PEX14: variants seen among roughly 807,000 people sequenced by gnomAD.
PEX14 encodes the protein peroxisomal biogenesis factor 14.
Under a neutral mutation model 49.5 loss-of-function variants are expected in PEX14, and 15 were observed. That is an observed-to-expected ratio of 0.30 (90% CI 0.20 to 0.47). The LOEUF (loss-of-function observed/expected upper bound fraction) is 0.47, where lower values mean the gene tolerates loss of function less well. Ranked by LOEUF, PEX14 falls within the 20% of genes least tolerant of loss-of-function variation. PEX14 has a pLI of 1.00. For missense variants in PEX14, 398 were observed against 494.8 expected, an observed-to-expected ratio of 0.80 and a Z score of 1.86; for synonymous variants, 210 against 212.7, an observed-to-expected ratio of 0.99 and a Z score of 0.11.
intron 3 of PEX14, among the ~76,000 whole-genome samples, chr1:10,586,855 A>G (rs1489179780): frequency 6.6e-6 from 1 of 151,738 alleles, no homozygotes; most frequent in Non-Finnish European, 1.5e-5. Context: ...GTTAGCCAGG[A>G]TGGTCTCAAT....
At chr1:10,582,988 C>T (rs1297144030) in intron 3 of PEX14, among the ~76,000 whole-genome samples, 6 of 151,912 alleles carry the variant, frequency 3.9e-5, no homozygotes, top group South Asian at 2.1e-4. Context: ...TGTCCCTCCT[C>T]GGCCTCCCAA....
chr1:10,525,414 G>A (rs1411489429), intron 2 of PEX14, among the ~76,000 whole-genome samples: 2 of 152,086 alleles, frequency 1.3e-5, no homozygotes, highest in Non-Finnish European at 2.9e-5. Flanking sequence ...TGTTACTTGT[G>A]AAGTCGTCTA....
chr1:10,591,064 A>T (rs1640648873), intron 3 of PEX14, among the ~76,000 whole-genome samples: 1 of 152,234 alleles, frequency 6.6e-6, no homozygotes, highest in African/African-American at 2.4e-5. Context: ...GTTGTTTCCC[A>T]AATCAGGCTG....
At chr1:10,508,105 C>G (rs143155065) in intron 2 of PEX14, among the ~76,000 whole-genome samples, 1 of 152,232 alleles carries the variant, frequency 6.6e-6, no homozygotes. Flanking sequence ...ACTCCCTCCC[C>G]CTATCCAAAC....
intron 3 of PEX14, among the ~76,000 whole-genome samples, chr1:10,563,860 C>T (rs967146345): frequency 6.6e-6 from 1 of 151,480 alleles, no homozygotes; most frequent in African/African-American, 2.4e-5. Flanking sequence ...TGCAGTGAGC[C>T]AACATCACGC....
intron 3 of PEX14, among the ~76,000 whole-genome samples, chr1:10,546,080 A>C (rs1017750313): frequency 2.0e-5 from 3 of 152,074 alleles, no homozygotes; most frequent in Non-Finnish European, 4.4e-5. Flanking sequence ...GAATTAAATG[A>C]AAATGATATG....
chr1:10,506,543 C>T (rs897515531), intron 2 of PEX14, among the ~76,000 whole-genome samples: 1 of 152,234 alleles, frequency 6.6e-6, no homozygotes, highest in South Asian at 2.1e-4. Flanking sequence ...TCCCAAAGTT[C>T]TGGGATTACA....
chr1:10,493,326 C>T (rs1357090494), intron 1 of PEX14, among the ~76,000 whole-genome samples: 1 of 152,092 alleles, frequency 6.6e-6, no homozygotes, highest in Admixed American at 6.6e-5. Context: ...AGCGCCAGCA[C>T]TGATGAGAAA....
intron 5 of PEX14, among the ~76,000 whole-genome samples, chr1:10,621,116 A>G (rs1247484394): frequency 6.6e-6 from 1 of 152,154 alleles, no homozygotes; most frequent in African/African-American, 2.4e-5. Flanking sequence ...TTTTAAAAAG[A>G]AAAGAAACAT....
chr1:10,496,272 G>A (rs763090340), intron 2 of PEX14, among the ~76,000 whole-genome samples: 2 of 152,190 alleles, frequency 1.3e-5, no homozygotes, highest in Admixed American at 6.5e-5. Context: ...CTGTTTCAGG[G>A]GAGCAGTGTT....
At chr1:10,615,778 G>A (rs1304911222) in intron 4 of PEX14, among the ~76,000 whole-genome samples, 1 of 152,226 alleles carries the variant, frequency 6.6e-6, no homozygotes, top group African/African-American at 2.4e-5. Context: ...GGAATATCCT[G>A]CAGCTGTAGA....
chr1:10,616,043 C>A (rs1298190576), intron 4 of PEX14, among the ~76,000 whole-genome samples: 1 of 152,128 alleles, frequency 6.6e-6, no homozygotes, highest in Non-Finnish European at 1.5e-5. Context: ...AGTTTTGGGA[C>A]CGAGATTCCA....
intron 2 of PEX14, among the ~76,000 whole-genome samples, chr1:10,526,692 T>C (rs1638493808): frequency 6.6e-6 from 1 of 152,144 alleles, no homozygotes; most frequent in African/African-American, 2.4e-5. Context: ...TGGTTGAGCA[T>C]CTCAAATCTG....
chr1:10,535,303 C>T (rs1638767783), intron 2 of PEX14, among the ~76,000 whole-genome samples: 1 of 152,234 alleles, frequency 6.6e-6, no homozygotes, highest in African/African-American at 2.4e-5. Context: ...AGGTTAATAC[C>T]TGCAGCGGTG....
In PEX14 at chr1:10,630,589, A is replaced by C; in HGVS notation, c.*602A>C. 1 of 154,470 alleles carries C rather than the reference A, an allele frequency of 6.5e-6. No homozygotes were observed. The highest frequency in any genetic ancestry group is 6.4e-5 in the Admixed American group (1 of 15,734). 9.6% of individuals were successfully genotyped at this position (154,470 alleles called of 1,614,324 possible). A position where few individuals can be genotyped will look rare whatever the true frequency, so the allele number is the denominator to read the frequency against. On this transcript the variant is annotated 3_prime_UTR_variant, in exon 9 of 9. Coordinates refer to ENST00000356607, the MANE Select transcript of PEX14 (RefSeq NM_004565.3). This position sits in a 1 kb window ranked among gnomAD's most constrained non-coding sequence, Gnocchi z 4.1. ...ATGGTTCAGCTAATCCCATGGCGAGATGGGGGCTCACTCCGGAGGAGGAGC... is the reference window on the plus strand; with the variant it reads ...ATGGTTCAGCTAATCCCATGGCGAGCTGGGGGCTCACTCCGGAGGAGGAGC...
chr1:10,568,622 CG>C (rs1447219667), intron 3 of PEX14, among the ~76,000 whole-genome samples: 2 of 151,942 alleles, frequency 1.3e-5, no homozygotes, highest in Non-Finnish European at 2.9e-5. Context: ...GCAGAATAGC[CG>C]TAAGTATGTG....
intron 4 of PEX14, among the ~76,000 whole-genome samples, chr1:10,614,101 G>A (rs886317222): frequency 6.6e-6 from 1 of 152,210 alleles, no homozygotes; most frequent in Non-Finnish European, 1.5e-5. Context: ...TGAGGTGGTC[G>A]TGGCTGGGAG....
At chr1:10,513,205 A>G (rs939397063) in intron 2 of PEX14, among the ~76,000 whole-genome samples, 1 of 151,558 alleles carries the variant, frequency 6.6e-6, no homozygotes, top group Admixed American at 6.6e-5. Flanking sequence ...TGAGTTCTGT[A>G]TATACACTGG....
rs762439153 is a variant in PEX14, at chr1:10,599,353, A to T, written c.285A>T (p.Ile95=). ...TTCCTGTCCAGCCCCCTCACCTCATATCTCAGCCATACAGTAAGTCACCCG... is the reference window on the plus strand; with the variant it reads ...TTCCTGTCCAGCCCCCTCACCTCATTTCTCAGCCATACAGTAAGTCACCCG... ...QVVPVQPPHL[I]SQPYSPAGSR... The change falls in exon 4 of 9, where the codon ATA becomes ATT. Residue 95 remains isoleucine, a synonymous_variant. Coordinates refer to ENST00000356607, the MANE Select transcript of PEX14 (RefSeq NM_004565.3). The T allele has an allele frequency of 6.2e-7, 1 of 1,614,086 alleles. No homozygotes were observed.
Sources: allele counts gnomAD v4.1 joint callset (sites outside exome capture counted in the v4.1 genomes callset), GRCh38; gene constraint gnomAD v4.1.1; non-coding constraint Gnocchi (gnomAD v3.1); transcripts MANE v1.5; gene names NCBI Gene and HGNC (gene_info 2026-07-23, HGNC 2026-07-21).